The following CCL26 variants were observed in gnomAD, a reference collection of about 807,000 sequenced individuals.
CCL26 encodes C-C motif chemokine ligand 26.
In CCL26, 10 loss-of-function variants were observed where a neutral mutation model predicts 10.7. The ratio of observed to expected loss-of-function variants is 0.93; its 90% CI spans 0.57 to 1.58. The LOEUF is 1.58. Ranked by LOEUF, CCL26 falls within the 40% of genes most tolerant of loss-of-function variation. The pLI is 0.00. For synonymous variants in CCL26, 43 were observed against 41.4 expected (o/e 1.04, Z -0.15); for missense variants, 116 against 111.0 (o/e 1.05, Z -0.20).
At chr7:75,770,451 G>A (rs1286116010) in intron 2 of CCL26, among the ~76,000 whole-genome samples, 10 of 126,956 alleles carry the variant, frequency 7.9e-5, no homozygotes, top group East Asian at 2.4e-4. Flanking sequence ...GCGCGATCTC[G>A]GCTCACCACA....
chr7:75,790,055 C>T (rs1255043827), upstream of CCL26, among the ~76,000 whole-genome samples: 1 of 127,720 alleles, frequency 7.8e-6, no homozygotes, highest in Non-Finnish European at 1.6e-5. Context: ...CCCTACCTCT[C>T]TTTCTTTCTT....
upstream of CCL26, among the ~76,000 whole-genome samples, chr7:75,776,915 C>T (rs1254834487): frequency 6.6e-6 from 1 of 152,134 alleles, no homozygotes; most frequent in African/African-American, 2.4e-5. Context: ...AGCAATTCCA[C>T]TCCTAGGCAT....
At chr7:75,787,594 G>A (rs560436454) in intron 1 of CCL26, among the ~76,000 whole-genome samples, 4 of 141,334 alleles carry the variant, frequency 2.8e-5, no homozygotes, top group Admixed American at 7.7e-5. Context: ...GCAGTGAGCC[G>A]GGATCACACC....
chr7:75,789,268 T>G (rs1305480508), intron 1 of CCL26, among the ~76,000 whole-genome samples: 3 of 151,820 alleles, frequency 2.0e-5, no homozygotes, highest in African/African-American at 7.3e-5. Context: ...ATATGTATAT[T>G]ATATTTCAAT....
chr7:75,784,576 G>A (rs1214659737), intron 1 of CCL26, among the ~76,000 whole-genome samples: 1 of 152,058 alleles, frequency 6.6e-6, no homozygotes, highest in Non-Finnish European at 1.5e-5. Context: ...GGATATTGAT[G>A]GCCAGGCTTC....
chr7:75,789,408 C>T (rs1306429251), intron 1 of CCL26, among the ~76,000 whole-genome samples: 6 of 148,676 alleles, frequency 4.0e-5, no homozygotes, highest in Non-Finnish European at 8.9e-5. Flanking sequence ...GAGAATATTT[C>T]TCTCTCTCTC....
rs1306439444 is a variant in CCL26, at chr7:75,769,606, G to A, written c.*87C>T. 3.7e-6 allele frequency: 3 copies of A among 810,454 alleles called. No homozygotes were observed. The highest frequency in any genetic ancestry group is 6.4e-6 in the Non-Finnish European group (3 of 471,230). The allele number at this position is 810,454 out of a possible 1,614,324, so 50.2% of individuals were successfully genotyped here. A position where few individuals can be genotyped will look rare whatever the true frequency, so the allele number is the denominator to read the frequency against. ...CTCTCCTCCCCAGCGGGTCCATGTAGCCTTCAGAAAAGATTCCGCAGGCTC... is the reference window on the plus strand; with the variant it reads ...CTCTCCTCCCCAGCGGGTCCATGTAACCTTCAGAAAAGATTCCGCAGGCTC... On this transcript the variant is annotated 3_prime_UTR_variant, in exon 3 of 3. Transcript: ENST00000005180.
upstream of CCL26, among the ~76,000 whole-genome samples, chr7:75,776,715 T>G (rs1456109794): frequency 6.6e-6 from 1 of 152,126 alleles, no homozygotes; most frequent in African/African-American, 2.4e-5. Context: ...TTATTAGTCA[T>G]CACAGAAATA....
chr7:75,784,029 G>A (rs1563339756), intron 1 of CCL26, among the ~76,000 whole-genome samples: 1 of 152,174 alleles, frequency 6.6e-6, no homozygotes, highest in African/African-American at 2.4e-5. Flanking sequence ...CCTTCAAGGT[G>A]TACAATAATA....
intron 1 of CCL26, among the ~76,000 whole-genome samples, chr7:75,778,408 GT>G (rs369917697): frequency 0.2 from 28,249 of 138,420 alleles, 3,055 homozygotes; most frequent in Admixed American, 0.35. Flanking sequence ...TTTTGGTGTG[GT>G]TTTTTTTTTT....
chr7:75,784,522 C>T (rs1336987001), intron 1 of CCL26, among the ~76,000 whole-genome samples: 1 of 152,148 alleles, frequency 6.6e-6, no homozygotes, highest in African/African-American at 2.4e-5. Flanking sequence ...CTCCACATTA[C>T]CTTCTTTTCA....
chr7:75,780,763 AC>A lies in CCL26; in HGVS notation c.-78-8510del, dbSNP rs1216420312. On this transcript the variant is annotated intron_variant, in intron 1 of 3. Transcript: ENST00000394905. ...TCTTTCCAATCTTCCTTTTCTATGG[AC>A]CCATCTGACCTCTCCCCTCCTCCAC... 7.3e-5 allele frequency among the ~76,000 whole-genome samples: 11 copies of A among 151,434 alleles called. No individual in the cohort carries two copies. In the East Asian group the frequency reaches 1.9e-3, roughly 27 times the overall value.
upstream of CCL26, among the ~76,000 whole-genome samples, chr7:75,777,058 C>T (rs562853840): frequency 5.9e-5 from 9 of 152,066 alleles, no homozygotes; most frequent in South Asian, 8.3e-4. Flanking sequence ...TAGTGAAACC[C>T]GGTCTCTACT....
At position 75,777,360 on chromosome 7, in the gene CCL26, A is replaced by G. The variant is rs142372319; in HGVS notation, c.-78-5106T>C. ...CATGTCTGTCAATAGTAGAATGGAAAATAAATTGTCATTTAATAACATAAT... is the reference window on the plus strand; with the variant it reads ...CATGTCTGTCAATAGTAGAATGGAAGATAAATTGTCATTTAATAACATAAT... On this transcript the variant is annotated intron_variant, in intron 1 of 3. Transcript: ENST00000394905. Among the ~76,000 whole-genome samples, 90 of 152,324 alleles carry G rather than the reference A, an allele frequency of 5.9e-4. No homozygotes were observed. The East Asian group carries it at 0.017, about 29-fold the overall frequency.
chr7:75,787,460 T>C (rs782382484), intron 1 of CCL26, among the ~76,000 whole-genome samples: 27 of 151,614 alleles, frequency 1.8e-4, no homozygotes, highest in Admixed American at 1.4e-3. Context: ...CTGGCTAACA[T>C]GGTGAAACCC....
At chr7:75,780,648 G>A (rs938341022) in intron 1 of CCL26, among the ~76,000 whole-genome samples, 3 of 151,944 alleles carry the variant, frequency 2.0e-5, no homozygotes, top group African/African-American at 7.3e-5. Context: ...TCAGTCCCTC[G>A]CTAGTCTCTG....
intron 2 of CCL26, among the ~76,000 whole-genome samples, chr7:75,771,185 A>G (rs1205460938): frequency 5.3e-5 from 8 of 152,116 alleles, no homozygotes; most frequent in African/African-American, 1.9e-4. Flanking sequence ...CCTGGGCTCA[A>G]GCGATCGTCT....
intron 1 of CCL26, among the ~76,000 whole-genome samples, chr7:75,779,637 T>C (rs1357308498): frequency 1.3e-5 from 2 of 152,222 alleles, no homozygotes; most frequent in African/African-American, 2.4e-5. Context: ...GCTCCAGTCA[T>C]GGACTCGGGA....
intron 1 of CCL26, among the ~76,000 whole-genome samples, chr7:75,780,147 T>C (rs1260670674): frequency 2.7e-5 from 4 of 146,714 alleles, no homozygotes; most frequent in African/African-American, 1.0e-4. Flanking sequence ...TTTCTCCACT[T>C]TCCTGGGGGG....
Sources: allele counts gnomAD v4.1 joint callset (sites outside exome capture counted in the v4.1 genomes callset), GRCh38; gene constraint gnomAD v4.1.1; transcripts MANE v1.5; gene names NCBI Gene and HGNC (gene_info 2026-07-23, HGNC 2026-07-21).